The following ELL variants were observed in gnomAD, a reference collection of about 807,000 sequenced individuals.
ELL encodes elongation factor for RNA polymerase II, also known as RNA polymerase II elongation factor ELL.
In ELL, 18 loss-of-function variants were observed where a neutral mutation model predicts 64.0. The ratio of observed to expected loss-of-function variants is 0.28; its 90% confidence interval spans 0.19 to 0.42. The LOEUF (loss-of-function observed/expected upper bound fraction) is 0.42. Ranked by LOEUF, ELL falls within the 10% of genes least tolerant of loss-of-function variation. The pLI, the probability that ELL is intolerant of heterozygous loss-of-function variation, is 1.00. For missense variants in ELL, 797 were observed against 870.4 expected, an observed-to-expected ratio of 0.92 and a Z score of 1.06; for synonymous variants, 399 against 376.2, an observed-to-expected ratio of 1.06 and a Z score of -0.70.
At chr19:18,473,009 G>A in intron 1 of ELL, 127 bp from the exon 2 acceptor site, 1 of 1,127,940 alleles carries the variant, frequency 8.9e-7, no homozygotes. Context: ...AGAGGGGAAA[G>A]GAAATGCACA....
At chr19:18,462,917 C>T (rs986297501) in intron 4 of ELL, among the ~76,000 whole-genome samples, 23 of 152,296 alleles carry the variant, frequency 1.5e-4, no homozygotes, top group African/African-American at 4.6e-4. Context: ...CTCTGGCAGG[C>T]GTGGCTGTGC....
Position 18,451,627 on chromosome 19 carries a change from G to C in ELL, c.891C>G (p.Ser297Arg). The C allele has an allele frequency of 2.0e-6, 3 of 1,506,436 alleles. No homozygotes were observed. Among genetic ancestry groups the C allele is most frequent in the Non-Finnish European group, 8.8e-7 (1 of 1,132,984 alleles). The allele number at this position is 1,506,436 out of a possible 1,614,324, so 93.3% of individuals were successfully genotyped here. The stretch of plus-strand genomic sequence containing the variant: ...CAGGGTCTCCAAGGAGGCTGCCAGT[G>C]CTCTGTGGCTGGCACAGCTTCCTGC... The part of the protein sequence containing the change: ...VLVRKLCQPQ[S>R]TGSLLGDPAA... The change falls in exon 7 of 12, where the codon AGC (serine) becomes AGG (arginine). Residue 297 changes from serine (S) to arginine (R), a missense_variant. Physicochemically the swap from Ser to Arg is moderately radical, Grantham distance 110. Coordinates refer to ENST00000262809, the MANE Select transcript of ELL (RefSeq NM_006532.4).
rs1451479800 is a variant in ELL at position 18,444,610 on chromosome 19, A to G, written c.*142T>C. On this transcript the variant is annotated 3_prime_UTR_variant, in exon 12 of 12. Coordinates refer to ENST00000262809, the MANE Select transcript of ELL (RefSeq NM_006532.4). ...GGGCTTGCAGCCACCCGCCAGGGCC[A>G]GACGTCTGCAGGGGCTGCCCTGAAA... The G allele has an allele frequency of 5.8e-6, 5 of 867,494 alleles. No homozygotes were observed. Among genetic ancestry groups the G allele is most frequent in the Admixed American group, 2.8e-5 (1 of 35,796 alleles). 53.7% of individuals were successfully genotyped at this position (867,494 alleles called of 1,614,324 possible).
intron 1 of ELL, among the ~76,000 whole-genome samples, chr19:18,513,416 TAA>T (rs1243027271): frequency 1.3e-5 from 2 of 152,088 alleles, no homozygotes; most frequent in Non-Finnish European, 2.9e-5. Context: ...CATTAAAACA[TAA>T]AGTGTTCAGG....
chr19:18,462,370 C>CGGGGGG (rs869305278), intron 4 of ELL, among the ~76,000 whole-genome samples: 51 of 22,946 alleles, frequency 2.2e-3, no homozygotes, highest in African/African-American at 3.9e-3. Context: ...TGTGTTTGGG[C>CGGGGGG]GGGGGGCGGG....
intron 1 of ELL, among the ~76,000 whole-genome samples, chr19:18,513,001 G>C (rs1694626836): frequency 6.6e-6 from 1 of 152,206 alleles, no homozygotes; most frequent in African/African-American, 2.4e-5. Flanking sequence ...GATGGGCCTG[G>C]GGGAAGGACA....
chr19:18,467,589 C>A (rs1395771952), intron 2 of ELL, among the ~76,000 whole-genome samples: 4 of 150,718 alleles, frequency 2.7e-5, no homozygotes, highest in Non-Finnish European at 4.4e-5. Flanking sequence ...GATGATTCAC[C>A]CTCGGACAGA....
At chr19:18,521,885 G>C in intron 1 of ELL, 36 bp downstream of exon 1, 2 of 1,548,046 alleles carry the variant, frequency 1.3e-6, no homozygotes, top group Non-Finnish European at 1.7e-6. Flanking sequence ...GCGTCCGGAC[G>C]TTCCCCACTG....
At chr19:18,451,441 G>T in intron 7 of ELL, 111 bp downstream of exon 7, 2 of 1,035,514 alleles carry the variant, frequency 1.9e-6, no homozygotes, top group Non-Finnish European at 2.6e-6. Flanking sequence ...GGCTCAACTT[G>T]GAGCAGCTCA....
At chr19:18,469,842 G>A (rs1224099637) in intron 2 of ELL, among the ~76,000 whole-genome samples, 1 of 152,160 alleles carries the variant, frequency 6.6e-6, no homozygotes, top group African/African-American at 2.4e-5. Context: ...ATCCCAAATT[G>A]GGGCCTGCTG....
intron 1 of ELL, among the ~76,000 whole-genome samples, chr19:18,507,197 G>A (rs1319849394): frequency 2.0e-5 from 3 of 152,226 alleles, no homozygotes; most frequent in Non-Finnish European, 2.9e-5. Context: ...GAAGGAACAC[G>A]CTCTTCTAGC....
chr19:18,460,038 C>T (rs922796508), intron 5 of ELL, among the ~76,000 whole-genome samples: 3 of 152,214 alleles, frequency 2.0e-5, no homozygotes, highest in African/African-American at 7.2e-5. Context: ...GCCGTCAACA[C>T]CCCTCCCCTT....
rs113844783 is a variant in ELL at position 18,475,403 on chromosome 19, G to A, written c.136-2521C>T. Among the ~76,000 whole-genome samples the A allele has an allele frequency of 8.0e-3, 1,219 of 152,320 alleles. 16 individuals are homozygous for A. The highest frequency in any genetic ancestry group is 0.027 in the African/African-American group (1,139 of 41,552). On this transcript the variant is annotated intron_variant, in intron 1 of 11. Coordinates refer to ENST00000262809, the MANE Select transcript of ELL (RefSeq NM_006532.4). ...CCAGAACCTCTGCCGTCGTGGGCGGGAGTGGACAAGGCTCAGCCACTGTGG... is the reference window on the plus strand; with the variant it reads ...CCAGAACCTCTGCCGTCGTGGGCGGAAGTGGACAAGGCTCAGCCACTGTGG...
intron 1 of ELL, among the ~76,000 whole-genome samples, chr19:18,485,243 G>C (rs1389851849): frequency 6.6e-6 from 1 of 152,128 alleles, no homozygotes; most frequent in Admixed American, 6.5e-5. Context: ...CCTCTCCCCA[G>C]GAGGCCCCTC....
chr19:18,484,031 C>A (rs114140546), intron 1 of ELL, among the ~76,000 whole-genome samples: 2 of 152,326 alleles, frequency 1.3e-5, no homozygotes, highest in South Asian at 4.1e-4. Context: ...AAGACGCTGT[C>A]GTATGTGGGC....
At chr19:18,512,867 T>C (rs1976055152) in intron 1 of ELL, among the ~76,000 whole-genome samples, 1 of 152,168 alleles carries the variant, frequency 6.6e-6, no homozygotes, top group Non-Finnish European at 1.5e-5. Context: ...CCAATGTACC[T>C]GATCCCCAAT....
chr19:18,498,175 GC>G (rs1198471557), intron 1 of ELL, among the ~76,000 whole-genome samples: 1 of 152,084 alleles, frequency 6.6e-6, no homozygotes, highest in East Asian at 1.9e-4. Context: ...AAACAAATGT[GC>G]CACTCTGTGG....
rs1974344352 is a variant in ELL at position 18,443,760 on chromosome 19, C to G, written c.*992G>C. 1.3e-5 allele frequency: 3 copies of G among 233,178 alleles called. No individual in the cohort carries two copies. The East Asian group carries it at 1.8e-4, about 14-fold the overall frequency. The allele number at this position is 233,178 out of a possible 1,614,324, so 14.4% of individuals were successfully genotyped here. On this transcript the variant is annotated 3_prime_UTR_variant, in exon 12 of 12. Transcript: ENST00000262809. The stretch of plus-strand genomic sequence containing the variant: ...TGGGTCCCTGGGGCCTCCCTGACCC[C>G]ATGGCGCCCAGCCCTCCATCAGCCC...
chr19:18,472,764 C>A, intron 2 of ELL, 71 bp downstream of exon 2: 3 of 1,532,110 alleles, frequency 2.0e-6, no homozygotes, highest in Middle Eastern at 1.7e-4. Context: ...CTGTACCCAG[C>A]GAGCAAGGAC....
Sources: allele counts gnomAD v4.1 joint callset (sites outside exome capture counted in the v4.1 genomes callset), GRCh38; gene constraint gnomAD v4.1.1; transcripts MANE v1.5; gene names NCBI Gene and HGNC (gene_info 2026-07-23, HGNC 2026-07-21).